The following LHX2 variants were observed in gnomAD, a reference collection of about 807,000 sequenced individuals.
LHX2 encodes LIM homeobox 2, also known as LIM/homeobox protein Lhx2.
Under a neutral mutation model 33.0 loss-of-function variants are expected in LHX2, and 6 were observed. The ratio of observed to expected loss-of-function variants is 0.18; its 90% CI spans 0.10 to 0.36. The LOEUF (loss-of-function observed/expected upper bound fraction) is 0.36, where lower values mean the gene tolerates loss of function less well. LHX2 is among the 10% of genes least tolerant of loss of function. The probability of loss-of-function intolerance (pLI) is 1.00; values close to 1 mark genes in which losing one functional copy is unlikely to be tolerated. For missense variants in LHX2, 442 were observed against 586.2 expected, an observed-to-expected ratio of 0.75 and a Z score of 2.54; for synonymous variants, 292 against 253.1, an observed-to-expected ratio of 1.15 and a Z score of -1.46.
chr9:124,032,628 T>A lies in LHX2; in HGVS notation c.1142T>A (p.Val381Asp). The A allele has an allele frequency of 6.2e-7, 1 of 1,614,096 alleles. No homozygotes were observed. The highest frequency in any genetic ancestry group is 1.1e-5 in the South Asian group (1 of 91,072). Residue 381 changes from valine (V) to aspartate (D), a missense_variant, in exon 5 of 5, where the codon GTC becomes GAC. By Grantham distance (152) the Val-to-Asp change is radical. Coordinates refer to ENST00000373615, the MANE Select transcript of LHX2 (RefSeq NM_004789.4). The surrounding 1 kb of genome is among the most constrained non-coding windows in gnomAD (Gnocchi z 4.1). ...TSPTLPTVTS[V>D]LTSVPGNLEG... The stretch of plus-strand genomic sequence containing the variant: ...CCCACCCTGCCAACTGTGACGTCCG[T>A]CTTAACTTCTGTGCCTGGCAACCTG...
At chr9:124,017,525 C>T (rs1483739581) in intron 3 of LHX2, among the ~76,000 whole-genome samples, 1 of 152,142 alleles carries the variant, frequency 6.6e-6, no homozygotes. Context: ...AAGCGGGGAC[C>T]CTGGAGGGTG....
intron 4 of LHX2, 70 bp downstream of exon 4, chr9:124,021,374 C>T (rs961724975): frequency 2.7e-6 from 4 of 1,455,698 alleles, no homozygotes; most frequent in South Asian, 2.4e-5. Flanking sequence ...CACCCCTCGC[C>T]GTGGGCCTTG....
chr9:124,019,075 C>T (rs1235282817), intron 3 of LHX2, among the ~76,000 whole-genome samples: 2 of 152,216 alleles, frequency 1.3e-5, no homozygotes, highest in African/African-American at 4.8e-5. Context: ...GGGTTGCTCA[C>T]CTCAGCGGGT....
At chr9:124,018,273 A>G (rs1588347115) in intron 3 of LHX2, among the ~76,000 whole-genome samples, 1 of 33,112 alleles carries the variant, frequency 3.0e-5, no homozygotes. Context: ...AATTGAGAGG[A>G]AAAAAAAAAA....
At chr9:124,013,253 C>T (rs1363001860) in intron 1 of LHX2, among the ~76,000 whole-genome samples, 4 of 152,242 alleles carry the variant, frequency 2.6e-5, no homozygotes, top group Non-Finnish European at 5.9e-5. Context: ...GGAGCAGCGG[C>T]GCCAGTGTCC....
At chr9:124,018,886 A>G (rs1429011395) in intron 3 of LHX2, among the ~76,000 whole-genome samples, 1 of 147,352 alleles carries the variant, frequency 6.8e-6, no homozygotes, top group Non-Finnish European at 1.5e-5. Flanking sequence ...CCGCACTACT[A>G]CCCCACCTAG....
intron 4 of LHX2, among the ~76,000 whole-genome samples, chr9:124,027,413 GCA>G (rs1480781387): frequency 1.3e-5 from 2 of 152,170 alleles, no homozygotes; most frequent in Admixed American, 6.5e-5. Flanking sequence ...GCAGTAAGAG[GCA>G]CACAGTTTCT....
Position 124,015,365 on chromosome 9 carries a change from G to A in LHX2, c.567G>A (p.Ala189=). 1.9e-6 allele frequency: 3 copies of A among 1,610,232 alleles called. No homozygotes were observed. The highest frequency in any genetic ancestry group is 8.5e-7 in the Non-Finnish European group (1 of 1,178,210). Residue 189 remains alanine, a synonymous_variant, in exon 3 of 5, where the codon GCG becomes GCA. Transcript: ENST00000373615. This position sits in a 1 kb window ranked among gnomAD's most constrained non-coding sequence, Gnocchi z 7.9. ...AHFNHADVAA[A]AAAAAAAKSA... ...TCAACCATGCCGACGTGGCAGCGGC[G>A]GCCGCTGCAGCCGCGGCGGCCAAGA...
rs759032932 is a variant in LHX2, at chr9:124,015,553, C to T, written c.727+28C>T. On this transcript the variant is annotated intron_variant, in intron 3 of 4. Transcript: ENST00000373615. This position sits in a 1 kb window ranked among gnomAD's most constrained non-coding sequence, Gnocchi z 7.9. ...GAGTGCGCGGCGCACGAAGCGCCCC[C>T]ATAGGGTTGGGGGAAAGTGTGCGGC... 6.9e-7 allele frequency: 1 copy of T among 1,449,922 alleles called. No homozygotes were observed. Among genetic ancestry groups the T allele is most frequent in the South Asian group, 1.5e-5 (1 of 67,792 alleles). 89.8% of individuals were successfully genotyped at this position (1,449,922 alleles called of 1,614,324 possible).
At position 124,015,487 on chromosome 9, in the gene LHX2, G is replaced by T. The variant is rs768784762; in HGVS notation, c.689G>T (p.Ser230Ile). 1.3e-6 allele frequency: 2 copies of T among 1,484,322 alleles called. No individual in the cohort carries two copies. The highest frequency in any genetic ancestry group is 1.8e-6 in the Non-Finnish European group (2 of 1,118,306). 91.9% of individuals were successfully genotyped at this position (1,484,322 alleles called of 1,614,324 possible). The change falls in exon 3 of 5, where the codon AGC becomes ATC. Residue 230 changes from serine (S) to isoleucine (I), a missense_variant. By Grantham distance (142) the Ser-to-Ile change is moderately radical. Around this residue, in one of 5 missense-constraint regions of LHX2, gnomAD observed 132 missense variants for 139.1 expected, o/e 0.95. Coordinates refer to ENST00000373615, the MANE Select transcript of LHX2 (RefSeq NM_004789.4). This position sits in a 1 kb window ranked among gnomAD's most constrained non-coding sequence, Gnocchi z 7.9. ...VQKGRPRKRK[S>I]PGPGADLAAY... Reference sequence around the variant, plus strand: ...AAGGGGCGGCCGAGGAAACGTAAGAGCCCGGGCCCCGGTGCGGATCTGGCG... The same window carrying T: ...AAGGGGCGGCCGAGGAAACGTAAGATCCCGGGCCCCGGTGCGGATCTGGCG...
intron 4 of LHX2, among the ~76,000 whole-genome samples, chr9:124,023,281 A>G (rs777115431): frequency 2.0e-5 from 3 of 152,224 alleles, no homozygotes; most frequent in African/African-American, 7.2e-5. Context: ...TTACACATAA[A>G]ATACACTAAC....
chr9:124,014,031 A>G lies in LHX2; in HGVS notation c.191A>G (p.Tyr64Cys), dbSNP rs1427452128. The change falls in exon 2 of 5, where the codon TAC becomes TGC. Residue 64 changes from tyrosine (Y) to cysteine (C), a missense_variant. Transcript: ENST00000373615. The surrounding 1 kb of genome is among the most constrained non-coding windows in gnomAD (Gnocchi z 4.8). ...AGCGGKISDR[Y>C]YLLAVDKQWH... Reference sequence around the variant, plus strand: ...TGCGGGGGCAAGATCTCGGACCGCTACTACCTGCTGGCGGTGGACAAGCAG... The same window carrying G: ...TGCGGGGGCAAGATCTCGGACCGCTGCTACCTGCTGGCGGTGGACAAGCAG... 6.2e-7 allele frequency: 1 copy of G among 1,613,520 alleles called. No individual in the cohort carries two copies. Among genetic ancestry groups the G allele is most frequent in the African/African-American group, 1.3e-5 (1 of 74,948 alleles).
intron 1 of LHX2, 138 bp from the exon 2 acceptor site, chr9:124,013,823 C>T (rs1859134391): frequency 2.7e-6 from 2 of 748,472 alleles, no homozygotes. Context: ...GGGGGAAGCG[C>T]GCCGCATGTC....
chr9:124,021,830 G>C (rs923167886), intron 4 of LHX2: 1 of 153,458 alleles, frequency 6.5e-6, no homozygotes, highest in East Asian at 2.0e-4. Flanking sequence ...CATCTCTCTA[G>C]ATTTATCTTC....
At chr9:124,017,408 G>A (rs943044860) in intron 3 of LHX2, among the ~76,000 whole-genome samples, 4 of 152,218 alleles carry the variant, frequency 2.6e-5, no homozygotes, top group East Asian at 1.9e-4. Context: ...CCGGCCTCTC[G>A]GGGCCCAGCC....
At chr9:124,023,457 C>G (rs895089005) in intron 4 of LHX2, among the ~76,000 whole-genome samples, 3 of 152,128 alleles carry the variant, frequency 2.0e-5, no homozygotes, top group Admixed American at 1.3e-4. Context: ...AATGCTTTAG[C>G]TGGGGATGGA....
intron 1 of LHX2, among the ~76,000 whole-genome samples, chr9:124,013,575 G>C (rs982497583): frequency 1.3e-5 from 2 of 152,238 alleles, no homozygotes; most frequent in African/African-American, 4.8e-5. Context: ...CCCCCGGGTG[G>C]CTCATTTAAG....
At position 124,015,551 on chromosome 9, in the gene LHX2, C is replaced by A. The variant is rs538906036; in HGVS notation, c.727+26C>A. ...GTGAGTGCGCGGCGCACGAAGCGCC[C>A]CCATAGGGTTGGGGGAAAGTGTGCG... On this transcript the variant is annotated intron_variant, in intron 3 of 4. Coordinates refer to ENST00000373615, the MANE Select transcript of LHX2 (RefSeq NM_004789.4). The surrounding 1 kb of genome is among the most constrained non-coding windows in gnomAD (Gnocchi z 7.9). The A allele has an allele frequency of 3.9e-4, 565 of 1,449,714 alleles. 7 individuals are homozygous for A. In the South Asian group the frequency reaches 7.7e-3, roughly 20 times the overall value. 89.8% of individuals were successfully genotyped at this position (1,449,714 alleles called of 1,614,324 possible).
chr9:124,021,146 C>A lies in LHX2; in HGVS notation c.775C>A (p.Pro259Thr). The A allele has an allele frequency of 6.2e-7, 1 of 1,614,212 alleles. No homozygotes were observed. The highest frequency in any genetic ancestry group is 8.5e-7 in the Non-Finnish European group (1 of 1,180,042). ...CGCAGAGCACCTGGACCGTGACCAG[C>A]CATACCCGAGCAGCCAGAAGACCAA... Reference protein sequence around the residue: ...NDAEHLDRDQPYPSSQKTKRM... With the variant: ...NDAEHLDRDQTYPSSQKTKRM... Residue 259 changes from proline (P) to threonine (T), a missense_variant, in exon 4 of 5, where the codon CCA becomes ACA. Coordinates refer to ENST00000373615, the MANE Select transcript of LHX2 (RefSeq NM_004789.4).
Sources: allele counts gnomAD v4.1 joint callset (sites outside exome capture counted in the v4.1 genomes callset), GRCh38; gene constraint gnomAD v4.1.1; regional missense constraint gnomAD v4.1.1; non-coding constraint Gnocchi (gnomAD v3.1); transcripts MANE v1.5; gene names NCBI Gene and HGNC (gene_info 2026-07-23, HGNC 2026-07-21).